PCSK2: variants seen among roughly 807,000 people sequenced by gnomAD.
PCSK2 encodes the protein proprotein convertase subtilisin/kexin type 2.
A neutral mutation model predicts 69.7 loss-of-function variants in PCSK2; 14 were observed. The ratio of observed to expected loss-of-function variants is 0.20; its 90% CI spans 0.13 to 0.31. PCSK2 has a LOEUF of 0.31. Ranked by LOEUF, PCSK2 falls within the 10% of genes least tolerant of loss-of-function variation. The pLI is 1.00. For missense variants in PCSK2, 544 were observed against 842.5 expected (o/e 0.65, Z 4.39); for synonymous variants, 307 against 320.7 (o/e 0.96, Z 0.46).
intron 5 of PCSK2, among the ~76,000 whole-genome samples, chr20:17,403,931 T>C (rs984105440): frequency 6.6e-6 from 1 of 152,230 alleles, no homozygotes; most frequent in Non-Finnish European, 1.5e-5. Flanking sequence ...ATAGTGCCAT[T>C]TGTGTGAAAT....
chr20:17,411,507 G>A (rs538325497), intron 6 of PCSK2, among the ~76,000 whole-genome samples: 18 of 152,260 alleles, frequency 1.2e-4, no homozygotes, highest in South Asian at 6.2e-4. Flanking sequence ...AAAAAAAAGC[G>A]GCCAGGAAGC....
chr20:17,246,411 A>G (rs759473669), intron 1 of PCSK2, among the ~76,000 whole-genome samples: 2 of 152,220 alleles, frequency 1.3e-5, no homozygotes, highest in Non-Finnish European at 2.9e-5. Flanking sequence ...GAGGTTGACA[A>G]TGAGAACACG....
chr20:17,250,050 A>G (rs1986916893), intron 1 of PCSK2, among the ~76,000 whole-genome samples: 1 of 152,220 alleles, frequency 6.6e-6, no homozygotes, highest in Non-Finnish European at 1.5e-5. Context: ...CAGAGTTTCC[A>G]TATACCCTTC....
intron 6 of PCSK2, among the ~76,000 whole-genome samples, chr20:17,428,131 C>T (rs1236952549): frequency 6.6e-6 from 1 of 152,160 alleles, no homozygotes; most frequent in Non-Finnish European, 1.5e-5. Flanking sequence ...CATTCCTCTC[C>T]CCCGCTTAAG....
intron 5 of PCSK2, among the ~76,000 whole-genome samples, chr20:17,404,428 G>A (rs2031710238): frequency 1.3e-5 from 2 of 152,240 alleles, no homozygotes; most frequent in South Asian, 4.1e-4. Flanking sequence ...AGAGGACGGT[G>A]ACTCCTAGGG....
chr20:17,388,267 G>T (rs140343880), intron 5 of PCSK2, among the ~76,000 whole-genome samples: 157 of 152,276 alleles, frequency 1.0e-3, no homozygotes, highest in African/African-American at 3.6e-3. Context: ...CTTCAGGGTG[G>T]CAGGGAGGGG....
chr20:17,410,714 T>G (rs563468529), intron 6 of PCSK2, among the ~76,000 whole-genome samples: 2 of 152,326 alleles, frequency 1.3e-5, no homozygotes, highest in African/African-American at 4.8e-5. Context: ...TAACCCTAGA[T>G]GGTAGCATAT....
chr20:17,347,333 G>C (rs1183964983), intron 2 of PCSK2, among the ~76,000 whole-genome samples: 1 of 152,138 alleles, frequency 6.6e-6, no homozygotes, highest in Non-Finnish European at 1.5e-5. Flanking sequence ...TCCCTCCGCA[G>C]ACCTCTCTCC....
At chr20:17,430,544 G>A (rs1189788373) in intron 7 of PCSK2, among the ~76,000 whole-genome samples, 1 of 152,150 alleles carries the variant, frequency 6.6e-6, no homozygotes, top group Non-Finnish European at 1.5e-5. Flanking sequence ...TTGCTAAGAG[G>A]CTTGCCTGAA....
At chr20:17,290,463 T>C (rs1299707454) in intron 2 of PCSK2, among the ~76,000 whole-genome samples, 2 of 152,238 alleles carry the variant, frequency 1.3e-5, no homozygotes, top group Non-Finnish European at 2.9e-5. Flanking sequence ...GCCTGGAATG[T>C]GTACTTTACA....
At chr20:17,455,926 C>T (rs13042787) in intron 9 of PCSK2, among the ~76,000 whole-genome samples, 13,144 of 152,194 alleles carry the variant, frequency 0.086, 685 homozygotes, top group Non-Finnish European at 0.12. Flanking sequence ...TCATCTTAAT[C>T]TTCTTGGGAA....
At chr20:17,279,419 C>A (rs1308412021) in intron 2 of PCSK2, among the ~76,000 whole-genome samples, 3 of 152,082 alleles carry the variant, frequency 2.0e-5, no homozygotes, top group Non-Finnish European at 4.4e-5. Context: ...TAGTGAAACT[C>A]GTTTCTCTTA....
At chr20:17,414,146 T>C (rs1311042077) in intron 6 of PCSK2, among the ~76,000 whole-genome samples, 1 of 151,980 alleles carries the variant, frequency 6.6e-6, no homozygotes, top group African/African-American at 2.4e-5. Context: ...AGTGAACAAA[T>C]TCAAAAGCTA....
chr20:17,466,793 T>G (rs1045733769), intron 11 of PCSK2, among the ~76,000 whole-genome samples: 3 of 152,218 alleles, frequency 2.0e-5, no homozygotes, highest in African/African-American at 7.2e-5. Context: ...CCCAGGAAGA[T>G]TCGTCATACC....
chr20:17,415,472 C>T (rs925752916), intron 6 of PCSK2, among the ~76,000 whole-genome samples: 3 of 152,150 alleles, frequency 2.0e-5, no homozygotes, highest in Non-Finnish European at 4.4e-5. Context: ...AGGAATCCAA[C>T]TTACAAGGGA....
intron 4 of PCSK2, among the ~76,000 whole-genome samples, chr20:17,366,694 A>G (rs2030601860): frequency 6.6e-6 from 1 of 152,200 alleles, no homozygotes; most frequent in Non-Finnish European, 1.5e-5. Flanking sequence ...TTTCCGAATC[A>G]TGTTTGTTGT....
intron 6 of PCSK2, among the ~76,000 whole-genome samples, chr20:17,424,640 G>A (rs2032205238): frequency 6.6e-6 from 1 of 151,630 alleles, no homozygotes; most frequent in Non-Finnish European, 1.5e-5. Flanking sequence ...TTACAGGCAC[G>A]CGCCACCACG....
intron 5 of PCSK2, among the ~76,000 whole-genome samples, chr20:17,387,251 C>T (rs114912511): frequency 0.015 from 2,255 of 152,298 alleles, 58 homozygotes; most frequent in African/African-American, 0.052. Context: ...ACACCAGAAA[C>T]TGTAGTATAT....
intron 1 of PCSK2, among the ~76,000 whole-genome samples, chr20:17,249,302 C>A (rs537090379): frequency 2.9e-4 from 44 of 151,862 alleles, no homozygotes; most frequent in Admixed American, 1.4e-3. Flanking sequence ...GTCAGGAGAT[C>A]GAGACCATCC....
Sources: gnomAD v4.1 joint callset for allele counts (sites outside exome capture counted in the v4.1 genomes callset) on GRCh38, gnomAD v4.1.1 for gene constraint, MANE v1.5 for transcripts, NCBI Gene and HGNC (gene_info 2026-07-23, HGNC 2026-07-21) for gene names.